SSH1: variants seen among roughly 807,000 people sequenced by gnomAD.
The protein encoded by SSH1 is slingshot protein phosphatase 1.
A neutral mutation model predicts 79.7 loss-of-function variants in SSH1; 43 were observed. The observed-to-expected ratio is 0.54, with a 90% CI of 0.42 to 0.70. SSH1 has a LOEUF of 0.70. Ranked by LOEUF, SSH1 falls within the 30% of genes least tolerant of loss-of-function variation. The pLI is 0.00. For missense variants in SSH1, 1,206 were observed against 1,358.8 expected (o/e 0.89, Z 1.77); for synonymous variants, 599 against 538.3 (o/e 1.11, Z -1.56).
At position 108,789,071 on chromosome 12, in the gene SSH1, G is replaced by A. The variant is rs2036391566; in HGVS notation, c.2067C>T (p.Ser689=). ...QPAFLPHITS[S]PVAHLASRSR... is the part of the protein sequence containing the mutation. ...ACCTGCTGGCCAAGTGGGCCACAGG[G>A]GAGGACGTGATGTGGGGTAGGAAGG... Residue 689 remains serine (S), a synonymous_variant, in exon 15 of 15, where the codon TCC becomes TCT. Coordinates refer to ENST00000326495, the MANE Select transcript of SSH1 (RefSeq NM_018984.4). 6.2e-6 allele frequency: 10 copies of A among 1,612,788 alleles called. No homozygotes were observed. The highest frequency in any genetic ancestry group is 1.7e-5 in the Admixed American group (1 of 59,970).
chr12:108,857,535 G>C lies in SSH1; in HGVS notation c.-39C>G. Reference sequence around the variant, plus strand: ...TGCGAGGGCGCCACAGACGTCTCGAGCTAGAGCCGCCACCGCCACCGCCGC... The same window carrying C: ...TGCGAGGGCGCCACAGACGTCTCGACCTAGAGCCGCCACCGCCACCGCCGC... On this transcript the variant is annotated 5_prime_UTR_variant, in exon 1 of 15. Coordinates refer to ENST00000326495, the MANE Select transcript of SSH1 (RefSeq NM_018984.4). The surrounding 1 kb of genome is among the most constrained non-coding windows in gnomAD (Gnocchi z 4.7). The C allele has an allele frequency of 2.9e-6, 3 of 1,050,606 alleles. No homozygotes were observed. Among genetic ancestry groups the C allele is most frequent in the Non-Finnish European group, 3.5e-6 (3 of 863,574 alleles). 65.1% of individuals were successfully genotyped at this position (1,050,606 alleles called of 1,614,324 possible). A position where few individuals can be genotyped will look rare whatever the true frequency, so the allele number is the denominator to read the frequency against.
At chr12:108,841,289 C>T (rs560215362) in intron 2 of SSH1, among the ~76,000 whole-genome samples, 8 of 152,360 alleles carry the variant, frequency 5.3e-5, no homozygotes, top group South Asian at 2.1e-4. Context: ...CATGCGTGCA[C>T]GCTCACGCAA....
chr12:108,794,533 G>C (rs948195644), intron 13 of SSH1, among the ~76,000 whole-genome samples: 3 of 152,196 alleles, frequency 2.0e-5, no homozygotes, highest in Non-Finnish European at 4.4e-5. Flanking sequence ...GGAGTTCAGA[G>C]ACTTTAAGCT....
chr12:108,797,149 C>T (rs1446151386), intron 13 of SSH1, among the ~76,000 whole-genome samples: 1 of 152,110 alleles, frequency 6.6e-6, no homozygotes, highest in African/African-American at 2.4e-5. Context: ...CTTTTTCAGA[C>T]AGCGTCTGGT....
chr12:108,794,462 T>A (rs1231111886), intron 13 of SSH1, among the ~76,000 whole-genome samples: 1 of 152,202 alleles, frequency 6.6e-6, no homozygotes, highest in East Asian at 1.9e-4. Flanking sequence ...CAGCGTCAGC[T>A]CCTTATCCCT....
In SSH1 at chr12:108,788,201, A is replaced by C. The variant is rs1448744750; in HGVS notation, c.2937T>G (p.Leu979=). 2 of 1,613,972 alleles carry C rather than the reference A, an allele frequency of 1.2e-6. No homozygotes were observed. Among genetic ancestry groups the C allele is most frequent in the East Asian group, 2.2e-5 (1 of 44,852 alleles). Residue 979 remains leucine (L), a synonymous_variant, in exon 15 of 15, where the codon CTT becomes CTG. Coordinates refer to ENST00000326495, the MANE Select transcript of SSH1 (RefSeq NM_018984.4). ...VSSPLKRSHS[L]AKLGSLTFST... is the part of the protein sequence containing the mutation. Reference sequence around the variant, plus strand: ...AGAAGGTGAGACTCCCCAGCTTGGCAAGAGAGTGTGAGCGCTTCAGTGGGG... The same window carrying C: ...AGAAGGTGAGACTCCCCAGCTTGGCCAGAGAGTGTGAGCGCTTCAGTGGGG...
chr12:108,801,046 C>T lies in SSH1; in HGVS notation c.1002-120G>A, dbSNP rs1366870881. The T allele has an allele frequency of 2.0e-5, 20 of 1,012,792 alleles. No individual in the cohort carries two copies. The Admixed American group carries it at 2.0e-4, about 10-fold the overall frequency. The allele number at this position is 1,012,792 out of a possible 1,614,324, so 62.7% of individuals were successfully genotyped here. A position where few individuals can be genotyped will look rare whatever the true frequency, so the allele number is the denominator to read the frequency against. On this transcript the variant is annotated intron_variant, in intron 11 of 14. Transcript: ENST00000326495. ...ACACATTAACCAAGGGTCATATGTTCGTGGCGGGACTTTGGTTTTTCCTTA... is the reference window on the plus strand; with the variant it reads ...ACACATTAACCAAGGGTCATATGTTTGTGGCGGGACTTTGGTTTTTCCTTA...
Position 108,805,076 on chromosome 12 carries a change from T to C in SSH1, c.934A>G (p.Ile312Val). ...CTTACGAGATAAAGATGATCGAAGA[T>C]AAGGGAGGGCTTGTCCATCTGTCCC... ...ILGQMDKPSL[I>V]FDHLYLGSEW... The change falls in exon 10 of 15, where the codon ATC becomes GTC. Residue 312 changes from isoleucine to valine, a missense_variant. Around this residue, in one of 5 missense-constraint regions of SSH1, gnomAD observed 166 missense variants for 262.9 expected, o/e 0.63. Coordinates refer to ENST00000326495, the MANE Select transcript of SSH1 (RefSeq NM_018984.4). 2 of 1,614,188 alleles carry C rather than the reference T, an allele frequency of 1.2e-6. No homozygotes were observed. The highest frequency in any genetic ancestry group is 1.7e-6 in the Non-Finnish European group (2 of 1,180,022).
At position 108,809,681 on chromosome 12, in the gene SSH1, AACCACACTT is replaced by A. The variant is rs2037477122; in HGVS notation, c.536+3_536+11del. On this transcript the variant is annotated splice_donor_5th_base_variant and intron_variant, in intron 7 of 14. Transcript: ENST00000326495. Reference sequence around the variant, plus strand: ...TTTCTAGGGAGTTAAAAGTCCCTAAAACCACACTTACCACATGGCCTGGACAGACACAGG... The same window carrying A: ...TTTCTAGGGAGTTAAAAGTCCCTAAAACCACATGGCCTGGACAGACACAGG... The A allele has an allele frequency of 6.2e-7, 1 of 1,613,022 alleles. No individual in the cohort carries two copies.
At chr12:108,835,981 G>GATTATAACTATATTAATATAATCA (rs2038607615) in intron 2 of SSH1, among the ~76,000 whole-genome samples, 1 of 134,608 alleles carries the variant, frequency 7.4e-6, no homozygotes, top group Non-Finnish European at 1.5e-5. Flanking sequence ...TAATATAATC[G>GATTATAACTATATTAATATAATCA]ATTATAACTA....
At chr12:108,811,844 G>A (rs910272593) in intron 5 of SSH1, among the ~76,000 whole-genome samples, 3 of 152,276 alleles carry the variant, frequency 2.0e-5, no homozygotes, top group Middle Eastern at 3.4e-3. Context: ...AGAGACTGGC[G>A]CCACTGAAAA....
At chr12:108,809,910 C>T (rs542365039) in intron 6 of SSH1, 152 bp from the exon 7 acceptor site, 69 of 713,636 alleles carry the variant, frequency 9.7e-5, no homozygotes, top group South Asian at 9.3e-4. Flanking sequence ...AACCCGCTTT[C>T]GCAGAGACAT....
chr12:108,857,521 C>A lies in SSH1; in HGVS notation c.-25G>T, dbSNP rs1195955832. ...TGGCTGCGGCGCGGTGCGAGGGCGC[C>A]ACAGACGTCTCGAGCTAGAGCCGCC... On this transcript the variant is annotated 5_prime_UTR_variant, in exon 1 of 15. Transcript: ENST00000326495. This position sits in a 1 kb window ranked among gnomAD's most constrained non-coding sequence, Gnocchi z 4.7. 1.8e-6 allele frequency: 2 copies of A among 1,118,464 alleles called. No homozygotes were observed. Among genetic ancestry groups the A allele is most frequent in the Non-Finnish European group, 2.2e-6 (2 of 897,726 alleles). The allele number at this position is 1,118,464 out of a possible 1,614,324, so 69.3% of individuals were successfully genotyped here. A position where few individuals can be genotyped will look rare whatever the true frequency, so the allele number is the denominator to read the frequency against.
intron 14 of SSH1, among the ~76,000 whole-genome samples, chr12:108,790,602 G>T (rs2036462846): frequency 6.6e-6 from 1 of 152,210 alleles, no homozygotes. Flanking sequence ...TATCTCATCT[G>T]TCTTTATGGG....
Position 108,788,880 on chromosome 12 carries a change from T to A in SSH1, c.2258A>T (p.Lys753Met), listed in dbSNP as rs1456872423. 3 of 1,614,230 alleles carry A rather than the reference T, an allele frequency of 1.9e-6. No homozygotes were observed. Among genetic ancestry groups the A allele is most frequent in the Non-Finnish European group, 8.5e-7 (1 of 1,180,040 alleles). The stretch of plus-strand genomic sequence containing the variant: ...GTGAGAATTCTTCAAAAGGAGGGAC[T>A]TTGGCAGGACTTTTGGGGTCTCTCT... ...PSRETPKVLP[K>M]SLLLKNSHCD... is the part of the protein sequence containing the mutation. The change falls in exon 15 of 15, where the codon AAG becomes ATG. Residue 753 changes from lysine (K) to methionine (M), a missense_variant. Coordinates refer to ENST00000326495, the MANE Select transcript of SSH1 (RefSeq NM_018984.4).
At chr12:108,851,980 G>A (rs539466056) in intron 2 of SSH1, among the ~76,000 whole-genome samples, 2 of 152,192 alleles carry the variant, frequency 1.3e-5, no homozygotes, top group South Asian at 4.2e-4. Context: ...AGGCCAAGCA[G>A]GAAGATGTCT....
intron 5 of SSH1, among the ~76,000 whole-genome samples, chr12:108,814,622 C>A (rs1050986518): frequency 1.3e-5 from 2 of 152,210 alleles, no homozygotes; most frequent in South Asian, 2.1e-4. Context: ...TCCCATCAGG[C>A]CCCTGCTCAT....
At position 108,787,455 on chromosome 12, in the gene SSH1, ATTC is replaced by A. The variant is rs2036312191; in HGVS notation, c.*530_*532del. On this transcript the variant is annotated 3_prime_UTR_variant, in exon 15 of 15. Transcript: ENST00000326495. ...TCCCAACCAAAACACAAAACGAAAA[ATTC>A]TTTTTTTGGAAAAACGCTTTCAGAC... is the stretch of plus-strand genomic sequence containing the variant. The A allele has an allele frequency of 1.3e-5, 2 of 157,106 alleles. No individual in the cohort carries two copies. Among genetic ancestry groups the A allele is most frequent in the African/African-American group, 4.8e-5 (2 of 41,474 alleles). 9.7% of individuals were successfully genotyped at this position (157,106 alleles called of 1,614,324 possible).
rs911116110 is a variant in SSH1 at position 108,789,100 on chromosome 12, G to C, written c.2038C>G (p.Pro680Ala). Reference protein sequence around the residue: ...DPNAPAICTQPAFLPHITSSP... With the variant: ...DPNAPAICTQAAFLPHITSSP... Reference sequence around the variant, plus strand: ...GACGTGATGTGGGGTAGGAAGGCTGGCTGGGTGCAGATGGCGGGAGCATTG... The same window carrying C: ...GACGTGATGTGGGGTAGGAAGGCTGCCTGGGTGCAGATGGCGGGAGCATTG... Residue 680 changes from proline to alanine, a missense_variant, in exon 15 of 15, where the codon CCA becomes GCA. Pro to Ala is a conservative substitution (Grantham distance 27). Around this residue, in one of 5 missense-constraint regions of SSH1, gnomAD observed 709 missense variants for 730.6 expected, o/e 0.97. Transcript: ENST00000326495. The C allele has an allele frequency of 6.2e-7, 1 of 1,613,912 alleles. No homozygotes were observed. Among genetic ancestry groups the C allele is most frequent in the Non-Finnish European group, 8.5e-7 (1 of 1,179,836 alleles).
Sources: gnomAD v4.1 joint callset for allele counts (sites outside exome capture counted in the v4.1 genomes callset) on GRCh38, gnomAD v4.1.1 for gene constraint, gnomAD v4.1.1 regional missense constraint, Gnocchi (gnomAD v3.1) non-coding constraint, MANE v1.5 for transcripts, NCBI Gene and HGNC (gene_info 2026-07-23, HGNC 2026-07-21) for gene names.